Variants in CLNK observed in about 807,000 individuals in gnomAD.
CLNK encodes the protein cytokine dependent hematopoietic cell linker.
CLNK carries 74 observed loss-of-function variants against 68.6 expected under a neutral mutation model. The observed-to-expected ratio is 1.08, with a 90% CI of 0.89 to 1.31. CLNK has a LOEUF of 1.31. Among genes scored for constraint, CLNK ranks in the 50% most tolerant of loss-of-function variants. The pLI is 0.00. For missense variants in CLNK, 553 were observed against 515.3 expected, an observed-to-expected ratio of 1.07 and a Z score of -0.71; for synonymous variants, 198 against 172.2, an observed-to-expected ratio of 1.15 and a Z score of -1.17.
chr4:10,679,059 T>A (rs1046201826), intron 1 of CLNK, among the ~76,000 whole-genome samples: 2 of 152,122 alleles, frequency 1.3e-5, no homozygotes, highest in African/African-American at 4.8e-5. Context: ...CATTGCCAAC[T>A]CAATCCTAAG....
chr4:10,685,457 T>C (rs966381885), upstream of CLNK, among the ~76,000 whole-genome samples: 4 of 152,156 alleles, frequency 2.6e-5, no homozygotes, highest in African/African-American at 7.2e-5. Flanking sequence ...CATGCAGTAA[T>C]GTTTGGGCAC....
At chr4:10,725,678 A>C in the CLNK span, among the ~76,000 whole-genome samples, 52 of 152,120 alleles carry the variant, frequency 3.4e-4, no homozygotes, top group Non-Finnish European at 4.0e-4. Flanking sequence ...ATGGTGAAAC[A>C]CCTTCTCTAC....
At chr4:10,557,093 A>G in intron 8 of CLNK, among the ~76,000 whole-genome samples, 1 of 151,038 alleles carries the variant, frequency 6.6e-6, no homozygotes, top group Non-Finnish European at 1.5e-5. Flanking sequence ...ATAAATAAAT[A>G]AATAAATAAA....
intron 15 of CLNK, among the ~76,000 whole-genome samples, chr4:10,514,665 C>CT (rs1717750498): frequency 6.6e-6 from 1 of 151,154 alleles, no homozygotes; most frequent in African/African-American, 2.4e-5. Flanking sequence ...AAAACCTAGG[C>CT]ATTACCATTC....
chr4:10,599,115 T>C (rs1721491370), intron 2 of CLNK, among the ~76,000 whole-genome samples: 1 of 152,264 alleles, frequency 6.6e-6, no homozygotes, highest in Non-Finnish European at 1.5e-5. Context: ...TTGTTTTAAC[T>C]GGTAACTTGT....
intron 1 of CLNK, among the ~76,000 whole-genome samples, chr4:10,682,707 T>G (rs949588679): frequency 6.6e-6 from 1 of 152,200 alleles, no homozygotes; most frequent in Non-Finnish European, 1.5e-5. Flanking sequence ...TCTTTCCATT[T>G]CACCATGTTG....
At chr4:10,501,461 C>A (rs565540699) in intron 17 of CLNK, 50 bp from the exon 18 acceptor site, 2 of 1,560,942 alleles carry the variant, frequency 1.3e-6, no homozygotes, top group Admixed American at 2.0e-5. Flanking sequence ...CAGCATTCTG[C>A]CCTTGTAATG....
At chr4:10,654,662 G>T (rs543842560) in intron 2 of CLNK, among the ~76,000 whole-genome samples, 14 of 151,604 alleles carry the variant, frequency 9.2e-5, no homozygotes, top group African/African-American at 3.4e-4. Flanking sequence ...AAACATAAAA[G>T]AATAAACAGA....
At chr4:10,652,238 C>T (rs1723772083) in intron 2 of CLNK, among the ~76,000 whole-genome samples, 1 of 151,510 alleles carries the variant, frequency 6.6e-6, no homozygotes, top group African/African-American at 2.4e-5. Context: ...AAATATTAGC[C>T]TGGCATGGTG....
At position 10,584,948 on chromosome 4, in the gene CLNK, G is replaced by A. The variant is rs761662937; in HGVS notation, c.91C>T (p.Pro31Ser). 19 of 1,613,548 alleles carry A rather than the reference G, an allele frequency of 1.2e-5. No homozygotes were observed. In the African/African-American group the frequency reaches 1.5e-4, roughly 12 times the overall value. ...NFSLPKNRSW[P>S]RINSATGQYQ... ...TCACCTGTGGCACTATTGATGCGAG[G>A]CCATGACCTAGGGCAGAAAAGAGAA... The change falls in exon 4 of 19, where the codon CCT (proline) becomes TCT (serine). Residue 31 changes from proline to serine, a missense_variant. Pro to Ser is a moderately conservative substitution (Grantham distance 74). Coordinates refer to ENST00000226951, the MANE Select transcript of CLNK (RefSeq NM_052964.4).
At chr4:10,710,863 C>G in the CLNK span, among the ~76,000 whole-genome samples, 2 of 152,150 alleles carry the variant, frequency 1.3e-5, no homozygotes, top group Non-Finnish European at 2.9e-5. Context: ...TATCACTCCT[C>G]CATAAAAGAC....
At chr4:10,567,123 A>T (rs1363371357) in intron 5 of CLNK, among the ~76,000 whole-genome samples, 1 of 122,598 alleles carries the variant, frequency 8.2e-6, no homozygotes, top group African/African-American at 2.9e-5. Context: ...TAGCCAAAAC[A>T]ATCTTGGGAA....
At chr4:10,553,048 A>AG (rs1326833918) in intron 8 of CLNK, among the ~76,000 whole-genome samples, 13 of 129,016 alleles carry the variant, frequency 1.0e-4, no homozygotes, top group Admixed American at 8.2e-4. Context: ...TGGCAGGAAG[A>AG]GGAGGGGGGG....
At chr4:10,679,901 A>G (rs1313813838) in intron 1 of CLNK, among the ~76,000 whole-genome samples, 1 of 152,124 alleles carries the variant, frequency 6.6e-6, no homozygotes, top group Non-Finnish European at 1.5e-5. Flanking sequence ...AAATAGGAAC[A>G]CTTTTACACT....
intron 8 of CLNK, among the ~76,000 whole-genome samples, chr4:10,548,695 C>T (rs941087881): frequency 7.9e-5 from 12 of 152,316 alleles, no homozygotes; most frequent in African/African-American, 2.6e-4. Context: ...GTGTGAGGAA[C>T]GTGGTCCTGC....
At chr4:10,591,696 T>C (rs746530685) in intron 3 of CLNK, among the ~76,000 whole-genome samples, 2 of 152,236 alleles carry the variant, frequency 1.3e-5, no homozygotes, top group East Asian at 1.9e-4. Flanking sequence ...ACTCCACGTG[T>C]GTGCACAAGT....
At chr4:10,669,631 A>T (rs568680699) in intron 1 of CLNK, among the ~76,000 whole-genome samples, 1 of 152,170 alleles carries the variant, frequency 6.6e-6, no homozygotes, top group Non-Finnish European at 1.5e-5. Flanking sequence ...CATGCATGCT[A>T]AGGGATGGGA....
intron 1 of CLNK, among the ~76,000 whole-genome samples, chr4:10,674,015 C>G (rs1424471950): frequency 1.3e-5 from 2 of 152,332 alleles, no homozygotes; most frequent in African/African-American, 4.8e-5. Context: ...GCATAGCTCT[C>G]TCTGTCAAAG....
intron 2 of CLNK, among the ~76,000 whole-genome samples, chr4:10,639,030 T>C (rs1004714220): frequency 6.6e-6 from 1 of 152,238 alleles, no homozygotes; most frequent in Non-Finnish European, 1.5e-5. Context: ...AGCATATGCA[T>C]GTTTATGGGA....
Sources: allele counts gnomAD v4.1 joint callset (sites outside exome capture counted in the v4.1 genomes callset), GRCh38; gene constraint gnomAD v4.1.1; transcripts MANE v1.5; gene names NCBI Gene and HGNC (gene_info 2026-07-23, HGNC 2026-07-21).